Variants in HEMK2 observed in about 807,000 individuals in gnomAD.
The protein encoded by HEMK2 is HemK methyltransferase 2, ETF1 glutamine and histone H4 lysine, also known as methyltransferase HEMK2.
the HEMK2 span, among the ~76,000 whole-genome samples, chr21:28,867,685 T>C: frequency 2.6e-4 from 40 of 152,282 alleles, no homozygotes; most frequent in Admixed American, 4.6e-4. Flanking sequence ...TCAAGTCTTA[T>C]GGGGGTAACA....
At chr21:28,633,401 G>C in the HEMK2 span, among the ~76,000 whole-genome samples, 1 of 152,250 alleles carries the variant, frequency 6.6e-6, no homozygotes, top group African/African-American at 2.4e-5. Flanking sequence ...TACTTAGGTG[G>C]AAACTGTGAT....
At chr21:28,604,365 T>C in the HEMK2 span, among the ~76,000 whole-genome samples, 3 of 152,046 alleles carry the variant, frequency 2.0e-5, no homozygotes, top group African/African-American at 4.8e-5. Context: ...TACCTATGTA[T>C]CAAACCTGCA....
the HEMK2 span, among the ~76,000 whole-genome samples, chr21:28,651,586 A>C: frequency 4.9e-3 from 753 of 152,328 alleles, 6 homozygotes; most frequent in African/African-American, 0.017. Flanking sequence ...ACCTATCACA[A>C]GAATGATTTC....
the HEMK2 span, among the ~76,000 whole-genome samples, chr21:28,699,107 T>C: frequency 6.6e-6 from 1 of 152,228 alleles, no homozygotes; most frequent in Non-Finnish European, 1.5e-5. Context: ...AAGTCATCTT[T>C]CTGAATGGCC....
the HEMK2 span, among the ~76,000 whole-genome samples, chr21:28,586,749 A>G: frequency 6.6e-6 from 1 of 152,220 alleles, no homozygotes; most frequent in East Asian, 1.9e-4. Flanking sequence ...TGGACAGTCC[A>G]AGACACAGAC....
chr21:28,667,912 C>A, the HEMK2 span, among the ~76,000 whole-genome samples: 1 of 152,066 alleles, frequency 6.6e-6, no homozygotes, highest in East Asian at 1.9e-4. Context: ...CAGGATGGCA[C>A]CTGGCATATA....
chr21:28,657,901 T>G, the HEMK2 span, among the ~76,000 whole-genome samples: 1 of 151,998 alleles, frequency 6.6e-6, no homozygotes, highest in African/African-American at 2.4e-5. Context: ...ACATGGATAT[T>G]GAGAGGAAAA....
chr21:28,600,914 A>G, the HEMK2 span, among the ~76,000 whole-genome samples: 2 of 152,202 alleles, frequency 1.3e-5, no homozygotes, highest in East Asian at 3.9e-4. Flanking sequence ...TCCAGTTTCC[A>G]ATAAGTTCCA....
At chr21:28,885,140 C>T in the HEMK2 span, 1 of 1,457,866 alleles carries the variant, frequency 6.9e-7, no homozygotes, top group Admixed American at 2.3e-5. Context: ...AGTCACCGTT[C>T]CGGCCCTCCT....
At chr21:28,596,811 TA>T in the HEMK2 span, among the ~76,000 whole-genome samples, 1 of 152,192 alleles carries the variant, frequency 6.6e-6, no homozygotes, top group South Asian at 2.1e-4. Flanking sequence ...CTGGGAATTT[TA>T]AAAGAAGTGT....
chr21:28,755,039 G>A, the HEMK2 span, among the ~76,000 whole-genome samples: 29,330 of 152,030 alleles, frequency 0.19, 3,516 homozygotes, highest in African/African-American at 0.34. Flanking sequence ...AGTTGGCCAG[G>A]CAGAGCTGAG....
the HEMK2 span, among the ~76,000 whole-genome samples, chr21:28,704,238 G>A: frequency 6.6e-6 from 1 of 152,088 alleles, no homozygotes; most frequent in Non-Finnish European, 1.5e-5. Context: ...AGCCCAGCTG[G>A]GGAATATAAT....
the HEMK2 span, among the ~76,000 whole-genome samples, chr21:28,853,995 T>C: frequency 6.6e-6 from 1 of 152,188 alleles, no homozygotes; most frequent in African/African-American, 2.4e-5. Context: ...TTTTCCACAA[T>C]TTCAGCTCTT....
the HEMK2 span, among the ~76,000 whole-genome samples, chr21:28,728,308 A>G: frequency 1.3e-5 from 2 of 152,242 alleles, no homozygotes; most frequent in Non-Finnish European, 2.9e-5. Context: ...TGCCCTAAAT[A>G]ATCTAATACA....
chr21:28,815,398 AAGAT>A, the HEMK2 span, among the ~76,000 whole-genome samples: 1 of 152,074 alleles, frequency 6.6e-6, no homozygotes, highest in East Asian at 1.9e-4. Flanking sequence ...AAAAGAAAAA[AAGAT>A]AGGGAAGGGT....
At chr21:28,858,300 T>C in the HEMK2 span, among the ~76,000 whole-genome samples, 2 of 152,142 alleles carry the variant, frequency 1.3e-5, no homozygotes, top group Admixed American at 1.3e-4. Context: ...TTAACCCCAA[T>C]AAGTTGAAGC....
chr21:28,844,888 G>A, the HEMK2 span, among the ~76,000 whole-genome samples: 9 of 151,898 alleles, frequency 5.9e-5, no homozygotes, highest in East Asian at 1.7e-3. Context: ...GTTACTTTTG[G>A]CCAAATGTTC....
At chr21:28,695,753 A>G in the HEMK2 span, among the ~76,000 whole-genome samples, 1 of 145,542 alleles carries the variant, frequency 6.9e-6, no homozygotes, top group Non-Finnish European at 1.5e-5. Context: ...TTCAAAACCA[A>G]TCATGCCTTC....
At chr21:28,740,217 C>CA in the HEMK2 span, among the ~76,000 whole-genome samples, 2 of 152,234 alleles carry the variant, frequency 1.3e-5, no homozygotes, top group Non-Finnish European at 2.9e-5. Flanking sequence ...TTAGCAACCA[C>CA]AGTTTCCAAA....
Sources: allele counts gnomAD v4.1 joint callset (sites outside exome capture counted in the v4.1 genomes callset), GRCh38; gene constraint gnomAD v4.1.1; transcripts MANE v1.5; gene names NCBI Gene and HGNC (gene_info 2026-07-23, HGNC 2026-07-21).